Variants in PLCB4 observed in about 807,000 individuals in gnomAD.
PLCB4 encodes the protein 1-phosphatidylinositol 4,5-bisphosphate phosphodiesterase beta-4.
Under a neutral mutation model 178.8 loss-of-function variants are expected in PLCB4, and 77 were observed. That is an observed-to-expected ratio of 0.43 (90% CI 0.36 to 0.52). The LOEUF is 0.52. PLCB4 is among the 20% of genes least tolerant of loss of function. The probability of loss-of-function intolerance (pLI) is 0.00; values close to 1 mark genes in which losing one functional copy is unlikely to be tolerated. For missense variants in PLCB4, 1,024 were observed against 1,453.4 expected (o/e 0.70, Z 4.80); for synonymous variants, 496 against 490.8 (o/e 1.01, Z -0.14).
chr20:9,117,367 CTTTAAATCCT>C (rs974343188), intron 2 of PLCB4, among the ~76,000 whole-genome samples: 7 of 152,238 alleles, frequency 4.6e-5, no homozygotes, highest in Non-Finnish European at 7.4e-5. Context: ...TTGTAGAAAG[CTTTAAATCCT>C]TTTACACTGC....
At chr20:9,361,509 G>A (rs954441205) in intron 7 of PLCB4, among the ~76,000 whole-genome samples, 6 of 152,236 alleles carry the variant, frequency 3.9e-5, no homozygotes, top group Non-Finnish European at 7.4e-5. Flanking sequence ...GTTATTTAAT[G>A]GATATGGAGT....
chr20:9,375,195 C>T (rs535800165), intron 12 of PLCB4, among the ~76,000 whole-genome samples: 6 of 152,246 alleles, frequency 3.9e-5, no homozygotes, highest in African/African-American at 1.4e-4. Context: ...ACATAGAGAA[C>T]ATTCTGCCTG....
chr20:9,240,225 T>C (rs923186492), intron 3 of PLCB4, among the ~76,000 whole-genome samples: 1 of 152,030 alleles, frequency 6.6e-6, no homozygotes, highest in African/African-American at 2.4e-5. Context: ...TACAGAGGAG[T>C]AGCCCTCTGG....
intron 3 of PLCB4, among the ~76,000 whole-genome samples, chr20:9,292,197 T>C (rs1283437414): frequency 6.6e-6 from 1 of 152,230 alleles, no homozygotes; most frequent in Non-Finnish European, 1.5e-5. Flanking sequence ...TCAGAGAGCT[T>C]ATTCAAGTGA....
Position 9,411,067 on chromosome 20 carries a change from T to A in PLCB4, c.2030T>A (p.Phe677Tyr), listed in dbSNP as rs772123872. ...DLAMQLNQGK[F>Y]EYNGSCGYLL... ...GCGATGCAATTGAATCAGGGAAAAT[T>A]TGAGTATAATGGATCGTGCGGGTGA... Residue 677 changes from phenylalanine (F) to tyrosine (Y), a missense_variant, in exon 25 of 40, where the codon TTT (phenylalanine) becomes TAT (tyrosine). Physicochemically the swap from Phe to Tyr is conservative, Grantham distance 22. This residue lies in a region of PLCB4 where 227 missense variants were observed against 374.3 expected (regional missense o/e 0.61). Transcript: ENST00000378473. 2 of 1,610,876 alleles carry A rather than the reference T, an allele frequency of 1.2e-6. No homozygotes were observed. The highest frequency in any genetic ancestry group is 1.7e-6 in the Non-Finnish European group (2 of 1,177,152).
chr20:9,444,118 A>C, intron 31 of PLCB4, 60 bp from the exon 32 acceptor site: 1 of 1,453,502 alleles, frequency 6.9e-7, no homozygotes, highest in African/African-American at 1.4e-5. Flanking sequence ...AAGTGTAATC[A>C]TTGTGATTAC....
chr20:9,279,715 A>G (rs973614952), intron 3 of PLCB4, among the ~76,000 whole-genome samples: 4 of 152,060 alleles, frequency 2.6e-5, no homozygotes, highest in African/African-American at 9.7e-5. Context: ...ATAAAAGTTG[A>G]AAAAGGAAAA....
At chr20:9,237,491 A>G (rs912419001) in intron 3 of PLCB4, among the ~76,000 whole-genome samples, 4 of 152,180 alleles carry the variant, frequency 2.6e-5, no homozygotes, top group African/African-American at 9.7e-5. Context: ...CAGCAGCATC[A>G]CTGAGGAGCT....
In PLCB4 at chr20:9,362,853, C is replaced by T. The variant is rs532790181; in HGVS notation, c.370-43C>T. On this transcript the variant is annotated intron_variant, in intron 7 of 39. Coordinates refer to ENST00000378473, the MANE Select transcript of PLCB4 (RefSeq NM_001377142.1). ...TAATAAAAACTGCTCTATTTGACTCCAGCAGATTTGCTCACCAAGAATATT... is the reference window on the plus strand; with the variant it reads ...TAATAAAAACTGCTCTATTTGACTCTAGCAGATTTGCTCACCAAGAATATT... The T allele has an allele frequency of 2.5e-5, 32 of 1,298,016 alleles. No homozygotes were observed. In the African/African-American group the frequency reaches 2.6e-4, roughly 11 times the overall value. The allele number at this position is 1,298,016 out of a possible 1,614,324, so 80.4% of individuals were successfully genotyped here.
chr20:9,228,246 C>T (rs542510457), intron 3 of PLCB4, among the ~76,000 whole-genome samples: 1 of 152,278 alleles, frequency 6.6e-6, no homozygotes, highest in African/African-American at 2.4e-5. Flanking sequence ...TTGAAAACAA[C>T]TTTCTCTTAT....
intron 3 of PLCB4, among the ~76,000 whole-genome samples, chr20:9,224,543 G>A (rs541785778): frequency 1.3e-5 from 2 of 152,266 alleles, no homozygotes; most frequent in Non-Finnish European, 1.5e-5. Flanking sequence ...AAACAAAAAG[G>A]AGGAAGAATT....
intron 25 of PLCB4, among the ~76,000 whole-genome samples, chr20:9,414,808 G>A (rs755445023): frequency 1.3e-5 from 2 of 152,196 alleles, no homozygotes; most frequent in East Asian, 3.9e-4. Context: ...AAACAAAATA[G>A]TGTAAATTAA....
chr20:9,391,184 C>T (rs546491601), intron 17 of PLCB4, among the ~76,000 whole-genome samples: 2 of 152,238 alleles, frequency 1.3e-5, no homozygotes, highest in Non-Finnish European at 1.5e-5. Context: ...TCATGTTAAA[C>T]CTGCTAATTT....
chr20:9,235,614 A>G (rs2093984726), intron 3 of PLCB4, among the ~76,000 whole-genome samples: 1 of 152,214 alleles, frequency 6.6e-6, no homozygotes, highest in African/African-American at 2.4e-5. Context: ...AGGCCTCTGC[A>G]GGAGCAGTCA....
At chr20:9,122,119 G>A (rs1189570796) in intron 2 of PLCB4, among the ~76,000 whole-genome samples, 1 of 152,090 alleles carries the variant, frequency 6.6e-6, no homozygotes, top group Non-Finnish European at 1.5e-5. Context: ...ATACTGATAA[G>A]AAGAGAGACA....
intron 3 of PLCB4, among the ~76,000 whole-genome samples, chr20:9,222,543 AAG>A (rs1472728077): frequency 6.6e-6 from 1 of 152,256 alleles, no homozygotes; most frequent in African/African-American, 2.4e-5. Flanking sequence ...AGCGAAAAGA[AAG>A]AGGTTACAGC....
intron 7 of PLCB4, among the ~76,000 whole-genome samples, chr20:9,362,210 C>A (rs1333143068): frequency 3.3e-5 from 5 of 152,204 alleles, no homozygotes; most frequent in African/African-American, 4.8e-5. Context: ...GGCCTTAATT[C>A]ATGGGCTGAG....
At chr20:9,197,077 G>T (rs2093480825) in intron 2 of PLCB4, among the ~76,000 whole-genome samples, 1 of 152,326 alleles carries the variant, frequency 6.6e-6, no homozygotes. Context: ...ACATTAATGG[G>T]TGAAATGCCT....
chr20:9,072,362 C>T (rs753726779), intron 1 of PLCB4, among the ~76,000 whole-genome samples: 1 of 151,312 alleles, frequency 6.6e-6, no homozygotes, highest in Non-Finnish European at 1.5e-5. Context: ...TAAAGCCTCA[C>T]CCTTTAAAGT....
Sources: gnomAD v4.1 joint callset for allele counts (sites outside exome capture counted in the v4.1 genomes callset) on GRCh38, gnomAD v4.1.1 for gene constraint, gnomAD v4.1.1 regional missense constraint, MANE v1.5 for transcripts, NCBI Gene and HGNC (gene_info 2026-07-23, HGNC 2026-07-21) for gene names.